CDH22: variants seen among roughly 807,000 people sequenced by gnomAD.
CDH22 encodes the protein cadherin 22.
Under a neutral mutation model 58.4 loss-of-function variants are expected in CDH22, and 30 were observed. That is an observed-to-expected ratio of 0.51 (90% CI 0.38 to 0.70). The LOEUF (loss-of-function observed/expected upper bound fraction) is 0.70, where lower values mean the gene tolerates loss of function less well. Ranked by LOEUF, CDH22 falls within the 30% of genes least tolerant of loss-of-function variation. The pLI is 0.00. For missense variants in CDH22, 1,014 were observed against 1,233.9 expected (o/e 0.82, Z 2.67); for synonymous variants, 513 against 558.2 (o/e 0.92, Z 1.14).
intron 1 of CDH22, among the ~76,000 whole-genome samples, chr20:46,304,826 G>A (rs1388698531): frequency 6.6e-6 from 1 of 152,212 alleles, no homozygotes; most frequent in African/African-American, 2.4e-5. Flanking sequence ...TTAAAGAAAG[G>A]GATCCTTTTC....
intron 1 of CDH22, among the ~76,000 whole-genome samples, chr20:46,280,621 C>T (rs2086546583): frequency 6.6e-6 from 1 of 152,320 alleles, no homozygotes; most frequent in Non-Finnish European, 1.5e-5. Context: ...GAGACCCTCA[C>T]TCACTGTTCC....
At chr20:46,230,342 T>A (rs537814641) in intron 3 of CDH22, among the ~76,000 whole-genome samples, 2 of 152,240 alleles carry the variant, frequency 1.3e-5, no homozygotes, top group East Asian at 3.9e-4. Context: ...TGCTTTGTAA[T>A]GTTTGCTGAT....
At chr20:46,217,722 C>A (rs2086095478) in intron 4 of CDH22, among the ~76,000 whole-genome samples, 1 of 152,022 alleles carries the variant, frequency 6.6e-6, no homozygotes, top group Admixed American at 6.6e-5. Context: ...ACAAATAACT[C>A]ATACTCACAT....
At chr20:46,227,256 G>C (rs2086182025) in intron 4 of CDH22, among the ~76,000 whole-genome samples, 1 of 152,132 alleles carries the variant, frequency 6.6e-6, no homozygotes, top group South Asian at 2.1e-4. Context: ...CCTGCCTTTC[G>C]GTTTCTCTTC....
intron 7 of CDH22, among the ~76,000 whole-genome samples, chr20:46,201,079 C>T (rs2085957781): frequency 6.6e-6 from 1 of 152,228 alleles, no homozygotes; most frequent in African/African-American, 2.4e-5. Flanking sequence ...ACACATGTCT[C>T]GGGCGGCGGC....
rs557344422 is a variant in CDH22 at position 46,233,731 on chromosome 20, T to C, written c.551-6104A>G. On this transcript the variant is annotated intron_variant, in intron 3 of 11. Coordinates refer to ENST00000537909, the MANE Select transcript of CDH22 (RefSeq NM_021248.3). ...CTCCCTGTCCAGATTACCCGGGCCA[T>C]GGGGCCAACTCCTGAGGACCAGGGC... Among the ~76,000 whole-genome samples, 26 of 152,302 alleles carry C rather than the reference T, an allele frequency of 1.7e-4. No individual in the cohort carries two copies. The East Asian group carries it at 4.8e-3, about 28-fold the overall frequency.
At chr20:46,246,428 T>G (rs1223359465) in intron 2 of CDH22, among the ~76,000 whole-genome samples, 1 of 152,232 alleles carries the variant, frequency 6.6e-6, no homozygotes, top group African/African-American at 2.4e-5. Flanking sequence ...TCTATCTTTT[T>G]TTAAAAAATT....
At chr20:46,217,645 C>T (rs2086095085) in intron 4 of CDH22, among the ~76,000 whole-genome samples, 3 of 152,176 alleles carry the variant, frequency 2.0e-5, no homozygotes, top group Admixed American at 6.5e-5. Flanking sequence ...TGCACATGGG[C>T]TCAGATACAC....
Position 46,178,213 on chromosome 20 carries a change from G to C in CDH22, c.1664-16C>G. 1.9e-6 allele frequency: 3 copies of C among 1,604,222 alleles called. No individual in the cohort carries two copies. The highest frequency in any genetic ancestry group is 2.6e-6 in the Non-Finnish European group (3 of 1,172,646). The stretch of plus-strand genomic sequence containing the variant: ...GCGGTGTTGTCTGTTCCGGAAGAAG[G>C]GGGAGCGGTGTGACTTGGGGCCGGG... On this transcript the variant is annotated splice_polypyrimidine_tract_variant and intron_variant, in intron 10 of 11. Transcript: ENST00000537909.
At chr20:46,303,242 C>A (rs970299807) in intron 1 of CDH22, among the ~76,000 whole-genome samples, 11 of 152,206 alleles carry the variant, frequency 7.2e-5, no homozygotes, top group African/African-American at 2.4e-4. Flanking sequence ...TATTCTCCCT[C>A]CCCTTGGGGC....
chr20:46,178,632 T>C, intron 10 of CDH22, among the ~76,000 whole-genome samples: 1 of 150,190 alleles, frequency 6.7e-6, no homozygotes, highest in East Asian at 1.9e-4. Flanking sequence ...CAGCTTGTTT[T>C]TGCTCTAGAT....
At chr20:46,204,679 G>T (rs944589084) in intron 7 of CDH22, among the ~76,000 whole-genome samples, 1 of 152,182 alleles carries the variant, frequency 6.6e-6, no homozygotes, top group Non-Finnish European at 1.5e-5. Context: ...GCAGAGCCAA[G>T]CTCCCATGTC....
chr20:46,221,796 A>T (rs2086128122), intron 4 of CDH22, among the ~76,000 whole-genome samples: 1 of 152,222 alleles, frequency 6.6e-6, no homozygotes, highest in African/African-American at 2.4e-5. Context: ...TGGGAGAAGC[A>T]CGGTGGAGAC....
intron 10 of CDH22, among the ~76,000 whole-genome samples, chr20:46,184,557 T>C (rs887564449): frequency 6.6e-6 from 1 of 152,182 alleles, no homozygotes; most frequent in African/African-American, 2.4e-5. Flanking sequence ...CATACTTTTT[T>C]ATTTGTGTCA....
At chr20:46,292,712 T>C (rs1329171567) in intron 1 of CDH22, among the ~76,000 whole-genome samples, 2 of 152,194 alleles carry the variant, frequency 1.3e-5, no homozygotes, top group African/African-American at 4.8e-5. Context: ...CATTGTGATC[T>C]AAACCGTGAA....
intron 1 of CDH22, among the ~76,000 whole-genome samples, chr20:46,302,638 G>A (rs1427019945): frequency 6.6e-6 from 1 of 152,004 alleles, no homozygotes; most frequent in Non-Finnish European, 1.5e-5. Flanking sequence ...CATCCTGGAT[G>A]GTGAGCTCCT....
At chr20:46,264,853 GCACA>G (rs1228290826) in intron 1 of CDH22, among the ~76,000 whole-genome samples, 1 of 147,806 alleles carries the variant, frequency 6.8e-6, no homozygotes, top group South Asian at 2.1e-4. Flanking sequence ...CACACACCGT[GCACA>G]CACACACACC....
At chr20:46,229,768 A>G (rs1052471948) in intron 3 of CDH22, among the ~76,000 whole-genome samples, 2 of 152,160 alleles carry the variant, frequency 1.3e-5, no homozygotes, top group African/African-American at 2.4e-5. Flanking sequence ...TACATAAAGC[A>G]TCAGGCTTAT....
rs369777279 is a variant in CDH22 at position 46,227,599 on chromosome 20, C to T, written c.579G>A (p.Ser193=). Residue 193 remains serine, a synonymous_variant, in exon 4 of 12, where the codon TCG becomes TCA. Transcript: ENST00000537909. ...TGCCGTACGTGGGGTCATCCGCATCCGAGGCCATCACCTGCATCACCGACG... is the reference window on the plus strand; with the variant it reads ...TGCCGTACGTGGGGTCATCCGCATCTGAGGCCATCACCTGCATCACCGACG... The part of the protein sequence containing the change: ...TGTSVMQVMA[S]DADDPTYGSS... 1.9e-5 allele frequency: 31 copies of T among 1,612,938 alleles called. No homozygotes were observed. Among genetic ancestry groups the T allele is most frequent in the African/African-American group, 1.1e-4 (8 of 74,916 alleles).
Sources: allele counts gnomAD v4.1 joint callset (sites outside exome capture counted in the v4.1 genomes callset), GRCh38; gene constraint gnomAD v4.1.1; transcripts MANE v1.5; gene names NCBI Gene and HGNC (gene_info 2026-07-23, HGNC 2026-07-21).